The following CTNND2 variants were observed in gnomAD, a reference collection of about 807,000 sequenced individuals.
CTNND2 encodes catenin delta 2.
A neutral mutation model predicts 144.4 loss-of-function variants in CTNND2; 22 were observed. The observed-to-expected ratio is 0.15, with a 90% CI of 0.11 to 0.22. The LOEUF (loss-of-function observed/expected upper bound fraction) is 0.22, where lower values mean the gene tolerates loss of function less well. Ranked by LOEUF, CTNND2 falls within the 10% of genes least tolerant of loss-of-function variation. The pLI is 1.00. For synonymous variants in CTNND2, 751 were observed against 695.6 expected (o/e 1.08, Z -1.25); for missense variants, 1,353 against 1,618.8 (o/e 0.84, Z 2.82).
intron 18 of CTNND2, among the ~76,000 whole-genome samples, chr5:11,002,633 C>T (rs1740074091): frequency 6.6e-6 from 1 of 152,124 alleles, no homozygotes; most frequent in Non-Finnish European, 1.5e-5. Flanking sequence ...GGTGTTTCAA[C>T]AGATGAGATT....
At chr5:11,375,153 A>G (rs1757815136) in intron 7 of CTNND2, among the ~76,000 whole-genome samples, 1 of 152,182 alleles carries the variant, frequency 6.6e-6, no homozygotes, top group Non-Finnish European at 1.5e-5. Context: ...AATTCCCTTT[A>G]AACCATTAGA....
intron 11 of CTNND2, among the ~76,000 whole-genome samples, chr5:11,161,287 T>G (rs1309230207): frequency 2.0e-5 from 3 of 152,250 alleles, no homozygotes; most frequent in African/African-American, 4.8e-5. Flanking sequence ...CAGAAAAATT[T>G]TGTCCAACTG....
intron 3 of CTNND2, among the ~76,000 whole-genome samples, chr5:11,517,161 A>G (rs534882889): frequency 6.6e-6 from 1 of 152,366 alleles, no homozygotes; most frequent in East Asian, 1.9e-4. Flanking sequence ...CTAAATACCA[A>G]GCACAAAATA....
intron 10 of CTNND2, among the ~76,000 whole-genome samples, chr5:11,203,438 T>G (rs1287387845): frequency 6.6e-6 from 1 of 152,050 alleles, no homozygotes; most frequent in Non-Finnish European, 1.5e-5. Flanking sequence ...TTGTTTTTGT[T>G]TTGTTTTGTT....
At chr5:11,644,382 C>A (rs957146444) in intron 2 of CTNND2, among the ~76,000 whole-genome samples, 6 of 152,236 alleles carry the variant, frequency 3.9e-5, no homozygotes, top group Admixed American at 2.0e-4. Context: ...GTAAATGATA[C>A]CAAGCGGCTG....
intron 16 of CTNND2, among the ~76,000 whole-genome samples, chr5:11,070,924 T>C (rs1031531987): frequency 8.0e-5 from 12 of 150,932 alleles, no homozygotes; most frequent in Admixed American, 6.6e-4. Flanking sequence ...AGGTCTTAGA[T>C]ATAGTGTGTA....
intron 9 of CTNND2, among the ~76,000 whole-genome samples, chr5:11,241,931 G>T (rs900099221): frequency 1.3e-5 from 2 of 151,992 alleles, no homozygotes; most frequent in Admixed American, 1.3e-4. Context: ...CACCGGGGGT[G>T]GGGGGTCGGT....
chr5:11,086,597 T>C (rs1349867213), intron 15 of CTNND2, among the ~76,000 whole-genome samples: 1 of 152,214 alleles, frequency 6.6e-6, no homozygotes, highest in African/African-American at 2.4e-5. Context: ...GAACCTGAAG[T>C]AAATTAACAA....
intron 12 of CTNND2, among the ~76,000 whole-genome samples, chr5:11,122,261 T>C (rs1200337107): frequency 2.0e-5 from 3 of 148,486 alleles, no homozygotes; most frequent in Non-Finnish European, 3.0e-5. Flanking sequence ...AAAAAAAAAA[T>C]AGAAGATGCA....
At chr5:11,865,624 T>C (rs1795724552) in intron 1 of CTNND2, among the ~76,000 whole-genome samples, 1 of 152,122 alleles carries the variant, frequency 6.6e-6, no homozygotes, top group African/African-American at 2.4e-5. Flanking sequence ...TTCTAATTCC[T>C]AGAACCAGTG....
rs533468241 is a variant in CTNND2 at position 11,825,946 on chromosome 5, T to C, written c.37+77871A>G. On this transcript the variant is annotated intron_variant, in intron 1 of 21. Coordinates refer to ENST00000304623, the MANE Select transcript of CTNND2 (RefSeq NM_001332.4). Reference sequence around the variant, plus strand: ...AATTAAAACTTTTTCAGGAAACAAATACTGAGCCATTTTCTTGCCAACAGA... The same window carrying C: ...AATTAAAACTTTTTCAGGAAACAAACACTGAGCCATTTTCTTGCCAACAGA... Among the ~76,000 whole-genome samples the C allele has an allele frequency of 3.3e-5, 5 of 151,932 alleles. 1 individual carries two copies. In the South Asian group the frequency reaches 8.3e-4, roughly 25 times the overall value.
intron 3 of CTNND2, among the ~76,000 whole-genome samples, chr5:11,543,327 C>T (rs1486978369): frequency 1.3e-5 from 2 of 152,106 alleles, no homozygotes; most frequent in Non-Finnish European, 2.9e-5. Flanking sequence ...ACAGACATTC[C>T]TTCATGTAAG....
chr5:11,851,923 G>A (rs1198883595), intron 1 of CTNND2, among the ~76,000 whole-genome samples: 2 of 152,216 alleles, frequency 1.3e-5, no homozygotes, highest in Admixed American at 6.5e-5. Context: ...AAAAGATTTT[G>A]AATATAATTT....
At chr5:11,276,315 G>A (rs561690468) in intron 9 of CTNND2, among the ~76,000 whole-genome samples, 1 of 152,206 alleles carries the variant, frequency 6.6e-6, no homozygotes, top group South Asian at 2.1e-4. Flanking sequence ...ATGAAGATGG[G>A]CAGAGAACAG....
At chr5:10,974,178 C>T (rs1045702389) in intron 21 of CTNND2, among the ~76,000 whole-genome samples, 7 of 152,212 alleles carry the variant, frequency 4.6e-5, no homozygotes, top group Non-Finnish European at 1.0e-4. Flanking sequence ...ATAGGCACTG[C>T]AGAGAGTGTT....
At chr5:11,235,563 T>C (rs1033946416) in intron 10 of CTNND2, among the ~76,000 whole-genome samples, 3 of 152,176 alleles carry the variant, frequency 2.0e-5, no homozygotes, top group Non-Finnish European at 2.9e-5. Flanking sequence ...TTGAGGGGGC[T>C]GCCCTGCACT....
intron 11 of CTNND2, among the ~76,000 whole-genome samples, chr5:11,166,383 G>A (rs1759330182): frequency 6.6e-6 from 1 of 151,336 alleles, no homozygotes; most frequent in African/African-American, 2.4e-5. Context: ...CAAGTAGCTG[G>A]GACTACAGGC....
chr5:11,266,416 A>G (rs1745445771), intron 9 of CTNND2, among the ~76,000 whole-genome samples: 1 of 152,214 alleles, frequency 6.6e-6, no homozygotes, highest in Admixed American at 6.5e-5. Context: ...GCAGAGTGTC[A>G]CCACATTTAA....
intron 9 of CTNND2, among the ~76,000 whole-genome samples, chr5:11,274,269 C>G (rs1185594286): frequency 6.6e-6 from 1 of 152,166 alleles, no homozygotes. Context: ...TTCATCAAAG[C>G]CTCATTTCTT....
Sources: gnomAD v4.1 joint callset for allele counts (sites outside exome capture counted in the v4.1 genomes callset) on GRCh38, gnomAD v4.1.1 for gene constraint, MANE v1.5 for transcripts, NCBI Gene and HGNC (gene_info 2026-07-23, HGNC 2026-07-21) for gene names.